Variants in BDP1 observed in about 807,000 individuals in gnomAD.
BDP1 encodes the protein BDP1 general transcription factor IIIB subunit.
Under a neutral mutation model 266.6 loss-of-function variants are expected in BDP1, and 169 were observed. That is an observed-to-expected ratio of 0.63 (90% CI 0.56 to 0.72). The LOEUF (loss-of-function observed/expected upper bound fraction) is 0.72, where lower values mean the gene tolerates loss of function less well. Ranked by LOEUF, BDP1 falls within the 30% of genes least tolerant of loss-of-function variation. The probability of loss-of-function intolerance (pLI) is 0.00; values close to 1 mark genes in which losing one functional copy is unlikely to be tolerated. For synonymous variants in BDP1, 1,090 were observed against 1,022.4 expected (o/e 1.07, Z -1.26); for missense variants, 3,015 against 3,053.8 (o/e 0.99, Z 0.30).
chr5:71,475,951 C>G (rs1272853935), intron 7 of BDP1: 2 of 152,428 alleles, frequency 1.3e-5, no homozygotes, highest in African/African-American at 2.4e-5. Context: ...AGCACTGATC[C>G]TTTGTGTTCT....
chr5:71,554,890 T>C (rs1310508136), intron 35 of BDP1, among the ~76,000 whole-genome samples: 2 of 152,224 alleles, frequency 1.3e-5, no homozygotes, highest in African/African-American at 4.8e-5. Flanking sequence ...ATTTGTATTA[T>C]ACTTAACAGT....
intron 25 of BDP1, among the ~76,000 whole-genome samples, chr5:71,525,635 G>A (rs1357124509): frequency 6.0e-5 from 8 of 132,282 alleles, no homozygotes; most frequent in Admixed American, 4.3e-4. Flanking sequence ...GCCGGGCGGG[G>A]GGCTGACCCC....
intron 7 of BDP1, among the ~76,000 whole-genome samples, chr5:71,480,059 C>G (rs1264308351): frequency 2.6e-5 from 4 of 152,180 alleles, no homozygotes; most frequent in African/African-American, 9.6e-5. Flanking sequence ...ATTCTCCTTC[C>G]TCAGCCTCCT....
chr5:71,501,527 G>T (rs370617670), intron 13 of BDP1, 35 bp from the exon 14 acceptor site: 12 of 1,231,806 alleles, frequency 9.7e-6, no homozygotes, highest in African/African-American at 1.5e-5. Flanking sequence ...ACTGTTTATT[G>T]TAAGTAGATA....
At chr5:71,503,415 T>C (rs1764383311) in intron 15 of BDP1, among the ~76,000 whole-genome samples, 2 of 152,254 alleles carry the variant, frequency 1.3e-5, no homozygotes, top group Admixed American at 1.3e-4. Flanking sequence ...ATTTACATGA[T>C]AGATAATCTG....
chr5:71,458,810 C>T lies in BDP1; in HGVS notation c.444C>T (p.Ala148=). Residue 148 remains alanine, a synonymous_variant, in exon 2 of 39, where the codon GCC becomes GCT. Coordinates refer to ENST00000358731, the MANE Select transcript of BDP1 (RefSeq NM_018429.3). ...CAGACAGATACCGAATATACAAAGC[C>T]CAGAAACTGAGGGAAATGTTAAAAG... ...PCSDRYRIYK[A]QKLREMLKEE... The T allele has an allele frequency of 6.2e-7, 1 of 1,612,868 alleles. No individual in the cohort carries two copies.
Position 71,489,631 on chromosome 5 carries a change from T to A in BDP1, c.1441T>A (p.Leu481Ile), listed in dbSNP as rs376699509. Residue 481 changes from leucine (L) to isoleucine (I), a missense_variant, in exon 10 of 39, where the codon TTA (leucine) becomes ATA (isoleucine). By Grantham distance (5) the Leu-to-Ile change is conservative. Coordinates refer to ENST00000358731, the MANE Select transcript of BDP1 (RefSeq NM_018429.3). The part of the protein sequence containing the change: ...GANELGVNNL[L>I]ENATVQAGPS... Reference sequence around the variant, plus strand: ...TAATGAACTGGGAGTAAACAATCTTTTAGAAAATGCCACTGTTCAGGCGGG... The same window carrying A: ...TAATGAACTGGGAGTAAACAATCTTATAGAAAATGCCACTGTTCAGGCGGG... 3 of 1,613,908 alleles carry A rather than the reference T, an allele frequency of 1.9e-6. No individual in the cohort carries two copies. The highest frequency in any genetic ancestry group is 2.7e-5 in the African/African-American group (2 of 74,914).
intron 36 of BDP1, among the ~76,000 whole-genome samples, chr5:71,559,469 G>A (rs934531249): frequency 7.2e-5 from 11 of 152,130 alleles, no homozygotes; most frequent in African/African-American, 2.7e-4. Flanking sequence ...GGGAAAACAG[G>A]TTTTTTATTG....
chr5:71,533,540 A>G (rs1438679035), intron 26 of BDP1, among the ~76,000 whole-genome samples: 1 of 149,796 alleles, frequency 6.7e-6, no homozygotes, highest in East Asian at 2.0e-4. Flanking sequence ...ATTGTAGCAC[A>G]CTACAGCTTT....
chr5:71,531,793 G>C (rs186084379), intron 25 of BDP1, among the ~76,000 whole-genome samples: 36 of 152,282 alleles, frequency 2.4e-4, no homozygotes, highest in African/African-American at 8.7e-4. Flanking sequence ...ACAGGCGTGA[G>C]CCACTGCGCC....
chr5:71,571,602 G>T (rs551914413), downstream of BDP1, among the ~76,000 whole-genome samples: 174 of 150,640 alleles, frequency 1.2e-3, 1 homozygote, highest in African/African-American at 4.2e-3. Flanking sequence ...AACACGGATT[G>T]CTGGGCCCCA....
chr5:71,535,202 ATT>A lies in BDP1; in HGVS notation c.5892+2790_5892+2791del, dbSNP rs771227527. ...CTGATAAACCCATCATAAAATAACAATTTTTTTTTTTTTTTTAAAGACAGAGT... is the reference window on the plus strand; with the variant it reads ...CTGATAAACCCATCATAAAATAACAATTTTTTTTTTTTTTAAAGACAGAGT... On this transcript the variant is annotated intron_variant, in intron 26 of 38. Transcript: ENST00000358731. 7.9e-3 allele frequency among the ~76,000 whole-genome samples: 1,136 copies of A among 143,856 alleles called. 17 individuals carry two copies. Among genetic ancestry groups the A allele is most frequent in the African/African-American group, 0.026 (1,040 of 39,246 alleles). The allele number at this position is 143,856 out of a possible 152,430, so 94.4% of individuals were successfully genotyped here.
rs772623367 is a variant in BDP1 at position 71,560,076 on chromosome 5, G to A, written c.7335G>A (p.Gln2445=). 2.5e-6 allele frequency: 4 copies of A among 1,614,062 alleles called. 1 individual carries two copies. The change falls in exon 37 of 39, where the codon CAG becomes CAA. Residue 2445 remains glutamine (Q), a synonymous_variant. Coordinates refer to ENST00000358731, the MANE Select transcript of BDP1 (RefSeq NM_018429.3). The part of the protein sequence containing the change: ...PQRQQVEAAF[Q]SRGSRSPDAC... ...GACAGCAAGTTGAAGCAGCTTTTCA[G>A]AGTAGAGGATCTAGATCTCCTGATG...
chr5:71,571,655 A>T (rs1744267687), downstream of BDP1, among the ~76,000 whole-genome samples: 1 of 151,860 alleles, frequency 6.6e-6, no homozygotes, highest in Admixed American at 6.6e-5. Flanking sequence ...TATTTTTGAG[A>T]TGGAGTTTTG....
intron 11 of BDP1, chr5:71,494,596 A>G (rs894429458): frequency 6.6e-5 from 10 of 152,262 alleles, no homozygotes; most frequent in Non-Finnish European, 1.2e-4. Context: ...ACTTTTGGTT[A>G]CACAGTACCC....
At chr5:71,470,588 C>A in intron 7 of BDP1, 99 bp downstream of exon 7, 1 of 605,764 alleles carries the variant, frequency 1.7e-6, no homozygotes, top group African/African-American at 2.0e-5. Flanking sequence ...CTTAGTTCAT[C>A]TTTTTTTTTT....
chr5:71,540,744 C>T (rs1191718754), intron 28 of BDP1, among the ~76,000 whole-genome samples: 1 of 152,084 alleles, frequency 6.6e-6, no homozygotes, highest in Non-Finnish European at 1.5e-5. Context: ...CAAGACCAGC[C>T]TGGGCAACAT....
chr5:71,577,481 G>A, the BDP1 span, among the ~76,000 whole-genome samples: 2 of 152,202 alleles, frequency 1.3e-5, no homozygotes, highest in Non-Finnish European at 2.9e-5. Flanking sequence ...AGGGGAACAA[G>A]TACAAAGCTT....
chr5:71,488,385 C>A (rs1244676872), intron 9 of BDP1, among the ~76,000 whole-genome samples: 1 of 151,616 alleles, frequency 6.6e-6, no homozygotes, highest in Admixed American at 6.6e-5. Flanking sequence ...CCTTGGCCTC[C>A]CAAAGTACTG....
Sources: gnomAD v4.1 joint callset for allele counts (sites outside exome capture counted in the v4.1 genomes callset) on GRCh38, gnomAD v4.1.1 for gene constraint, MANE v1.5 for transcripts, NCBI Gene and HGNC (gene_info 2026-07-23, HGNC 2026-07-21) for gene names.